The following TRIO variants were observed in gnomAD, a reference collection of about 807,000 sequenced individuals.
TRIO encodes the protein trio Rho guanine nucleotide exchange factor.
Under a neutral mutation model 351.9 loss-of-function variants are expected in TRIO, and 58 were observed. That is an observed-to-expected ratio of 0.16 (90% CI 0.13 to 0.21). TRIO has a LOEUF of 0.21. Among genes scored for constraint, TRIO ranks in the 10% least tolerant of loss-of-function variants. The pLI, the probability that TRIO is intolerant of heterozygous loss-of-function variation, is 1.00. For synonymous variants in TRIO, 1,758 were observed against 1,595.7 expected, an observed-to-expected ratio of 1.10 and a Z score of -2.42; for missense variants, 3,201 against 4,027.8, an observed-to-expected ratio of 0.79 and a Z score of 5.56.
intron 13 of TRIO, 69 bp downstream of exon 13, chr5:14,359,600 C>G (rs917672087): frequency 2.1e-5 from 32 of 1,554,798 alleles, no homozygotes; most frequent in Non-Finnish European, 2.7e-5. Context: ...CACCGGCGCC[C>G]TCTTGTCTCT....
At chr5:14,234,212 T>C (rs192516291) in intron 1 of TRIO, among the ~76,000 whole-genome samples, 74 of 152,244 alleles carry the variant, frequency 4.9e-4, no homozygotes, top group African/African-American at 1.7e-3. Flanking sequence ...CATAGGGAGA[T>C]AGTGGTAGTT....
Position 14,419,871 on chromosome 5 carries a change from G to T in TRIO, c.5053G>T (p.Val1685Phe), listed in dbSNP as rs778333314. 1.2e-6 allele frequency: 2 copies of T among 1,614,096 alleles called. No homozygotes were observed. Among genetic ancestry groups the T allele is most frequent in the South Asian group, 1.1e-5 (1 of 91,074 alleles). The change falls in exon 34 of 57, where the codon GTT becomes TTT. Residue 1685 changes from valine (V) to phenylalanine (F), a missense_variant. This residue lies in a region of TRIO where 136 missense variants were observed against 229.5 expected (regional missense o/e 0.59). Coordinates refer to ENST00000344204, the MANE Select transcript of TRIO (RefSeq NM_007118.4). ...CATCCGACGGGGCCAGACCGTGGAA[G>T]TTCTGGAGCGGCCGCATGACAAGCC... ...LTIRRGQTVEVLERPHDKPDW... is the reference protein window; with the variant it reads ...LTIRRGQTVEFLERPHDKPDW...
chr5:14,298,688 A>C (rs1737581243), intron 7 of TRIO, among the ~76,000 whole-genome samples: 1 of 152,238 alleles, frequency 6.6e-6, no homozygotes, highest in African/African-American at 2.4e-5. Flanking sequence ...TTTAAAGTAT[A>C]AAGCAAGAGA....
intron 29 of TRIO, among the ~76,000 whole-genome samples, chr5:14,397,877 T>G (rs1284061006): frequency 6.6e-6 from 1 of 152,138 alleles, no homozygotes; most frequent in Non-Finnish European, 1.5e-5. Flanking sequence ...CCCTTCATGA[T>G]GTCATCCAGG....
At chr5:14,190,567 T>C (rs1790392867) in intron 1 of TRIO, among the ~76,000 whole-genome samples, 2 of 152,114 alleles carry the variant, frequency 1.3e-5, no homozygotes, top group Admixed American at 6.5e-5. Context: ...GGAAGCGTCA[T>C]GCTTGTGGCC....
intron 4 of TRIO, among the ~76,000 whole-genome samples, chr5:14,289,158 C>T (rs42253): frequency 0.45 from 67,612 of 151,808 alleles, 17,174 homozygotes; most frequent in East Asian, 0.57. Flanking sequence ...AAGGCCGAGG[C>T]GGGCGGATCA....
intron 33 of TRIO, among the ~76,000 whole-genome samples, chr5:14,417,662 A>G (rs1048684405): frequency 4.6e-5 from 7 of 152,146 alleles, no homozygotes; most frequent in Non-Finnish European, 1.0e-4. Flanking sequence ...GTGTCCCTGT[A>G]GTTTGTCTGG....
chr5:14,182,589 TAGTG>T (rs1438822577), intron 1 of TRIO, among the ~76,000 whole-genome samples: 2 of 152,214 alleles, frequency 1.3e-5, no homozygotes. Flanking sequence ...TGTTAAAAAT[TAGTG>T]AGAAATTTAC....
chr5:14,287,904 ATAT>A (rs1249272436), intron 4 of TRIO, among the ~76,000 whole-genome samples: 2 of 152,246 alleles, frequency 1.3e-5, no homozygotes, highest in Non-Finnish European at 2.9e-5. Context: ...AACAGCAATA[ATAT>A]TAAACATCAG....
At chr5:14,314,029 A>G (rs165083) in intron 8 of TRIO, among the ~76,000 whole-genome samples, 131,867 of 152,216 alleles carry the variant, frequency 0.87, 57,601 homozygotes, top group African/African-American at 0.96. Context: ...ATAGGCTCTG[A>G]TGTACATTTT....
At chr5:14,192,350 C>T (rs1376641647) in intron 1 of TRIO, among the ~76,000 whole-genome samples, 1 of 151,900 alleles carries the variant, frequency 6.6e-6, no homozygotes, top group African/African-American at 2.4e-5. Context: ...ACTTCTACCT[C>T]CTGGGCTTAA....
chr5:14,292,459 A>T (rs1736993388), intron 5 of TRIO, among the ~76,000 whole-genome samples: 1 of 152,236 alleles, frequency 6.6e-6, no homozygotes, highest in Non-Finnish European at 1.5e-5. Context: ...ATTGAACCTT[A>T]AGGGAGATGT....
intron 1 of TRIO, among the ~76,000 whole-genome samples, chr5:14,256,392 A>G (rs936605806): frequency 1.3e-5 from 2 of 152,162 alleles, no homozygotes; most frequent in African/African-American, 4.8e-5. Flanking sequence ...AGGGAACAAA[A>G]CATCCAAACT....
intron 34 of TRIO, among the ~76,000 whole-genome samples, chr5:14,459,405 C>G (rs1753604793): frequency 6.6e-6 from 1 of 152,218 alleles, no homozygotes; most frequent in South Asian, 2.1e-4. Flanking sequence ...TGTCACCGTT[C>G]TGCTTTCTAA....
At chr5:14,427,209 C>T (rs1319394492) in intron 34 of TRIO, among the ~76,000 whole-genome samples, 1 of 152,140 alleles carries the variant, frequency 6.6e-6, no homozygotes, top group East Asian at 1.9e-4. Flanking sequence ...TTCTGCAGCT[C>T]CTCATCTAAA....
intron 1 of TRIO, among the ~76,000 whole-genome samples, chr5:14,203,184 A>T (rs1220747287): frequency 6.6e-6 from 1 of 152,314 alleles, no homozygotes; most frequent in Non-Finnish European, 1.5e-5. Flanking sequence ...ATCTGTTCTT[A>T]AAAAATAATG....
intron 19 of TRIO, among the ~76,000 whole-genome samples, chr5:14,377,056 T>C (rs1293817863): frequency 6.6e-6 from 1 of 152,244 alleles, no homozygotes; most frequent in Admixed American, 6.5e-5. Flanking sequence ...GACTATTCTA[T>C]GTCATATGTT....
chr5:14,414,206 C>T (rs1296831388), intron 33 of TRIO, among the ~76,000 whole-genome samples: 1 of 152,248 alleles, frequency 6.6e-6, no homozygotes, highest in Non-Finnish European at 1.5e-5. Flanking sequence ...AAAGCGTTTA[C>T]CTGCCACGCC....
intron 34 of TRIO, among the ~76,000 whole-genome samples, chr5:14,449,829 G>A (rs1752715270): frequency 6.6e-6 from 1 of 152,178 alleles, no homozygotes; most frequent in Admixed American, 6.5e-5. Context: ...CTGTGCATCT[G>A]ATTAACCAAG....
Sources: gnomAD v4.1 joint callset for allele counts (sites outside exome capture counted in the v4.1 genomes callset) on GRCh38, gnomAD v4.1.1 for gene constraint, gnomAD v4.1.1 regional missense constraint, MANE v1.5 for transcripts, NCBI Gene and HGNC (gene_info 2026-07-23, HGNC 2026-07-21) for gene names.